DPP6: variants seen among roughly 807,000 people sequenced by gnomAD.
DPP6 encodes A-type potassium channel modulatory protein DPP6.
A neutral mutation model predicts 122.6 loss-of-function variants in DPP6; 69 were observed. The observed-to-expected ratio is 0.56, with a 90% CI of 0.46 to 0.69. The LOEUF is 0.69. Ranked by LOEUF, DPP6 falls within the 30% of genes least tolerant of loss-of-function variation. DPP6 has a pLI of 0.00. For missense variants in DPP6, 928 were observed against 1,116.9 expected (o/e 0.83, Z 2.41); for synonymous variants, 418 against 433.1 (o/e 0.97, Z 0.43).
chr7:154,368,213 G>A (rs1179706879), intron 1 of DPP6, among the ~76,000 whole-genome samples: 2 of 152,182 alleles, frequency 1.3e-5, no homozygotes, highest in East Asian at 3.9e-4. Context: ...GAAGTCAGCC[G>A]ACTACTGCGA....
the DPP6 span, among the ~76,000 whole-genome samples, chr7:153,758,606 A>T: frequency 2.0e-5 from 3 of 151,530 alleles, no homozygotes; most frequent in Non-Finnish European, 4.4e-5. Context: ...AACATTTTAG[A>T]TAATGGAATT....
intron 1 of DPP6, among the ~76,000 whole-genome samples, chr7:154,249,458 C>G (rs188671767): frequency 6.6e-6 from 1 of 152,306 alleles, no homozygotes; most frequent in African/African-American, 2.4e-5. Context: ...AATAATTACT[C>G]TTGCAAACAT....
chr7:154,422,460 AT>A (rs1446299766), intron 1 of DPP6, among the ~76,000 whole-genome samples: 1 of 152,074 alleles, frequency 6.6e-6, no homozygotes, highest in African/African-American at 2.4e-5. Context: ...TCTGAGATGT[AT>A]TTTTTCTACT....
At chr7:154,626,696 AAGTT>A (rs1213659407) in intron 5 of DPP6, among the ~76,000 whole-genome samples, 5 of 152,242 alleles carry the variant, frequency 3.3e-5, no homozygotes, top group African/African-American at 1.2e-4. Context: ...TGACTACTAT[AAGTT>A]AGTTTATTCC....
At chr7:154,033,999 G>A (rs1223380751) in intron 1 of DPP6, among the ~76,000 whole-genome samples, 1 of 152,160 alleles carries the variant, frequency 6.6e-6, no homozygotes, top group Non-Finnish European at 1.5e-5. Flanking sequence ...CTCTGCCCTG[G>A]TGACATTGGT....
chr7:154,033,310 T>G (rs1221917435), intron 1 of DPP6, among the ~76,000 whole-genome samples: 2 of 152,200 alleles, frequency 1.3e-5, no homozygotes, highest in African/African-American at 4.8e-5. Context: ...TATCTGTGGT[T>G]AAGACAGTGT....
the DPP6 span, among the ~76,000 whole-genome samples, chr7:153,798,226 G>T: frequency 1.3e-5 from 2 of 152,104 alleles, no homozygotes; most frequent in Non-Finnish European, 2.9e-5. Context: ...CTTCCCAAAG[G>T]CCCCACTTCC....
chr7:153,763,377 G>GAAAAAAAA, the DPP6 span, among the ~76,000 whole-genome samples: 1 of 128,700 alleles, frequency 7.8e-6, no homozygotes, highest in Non-Finnish European at 1.6e-5. Context: ...GTACAAGTAA[G>GAAAAAAAA]AAAAAAAAAA....
chr7:154,308,963 C>G (rs1274353968), intron 1 of DPP6, among the ~76,000 whole-genome samples: 1 of 152,178 alleles, frequency 6.6e-6, no homozygotes, highest in Non-Finnish European at 1.5e-5. Flanking sequence ...CGTATGCACA[C>G]ACAAACAAAT....
intron 1 of DPP6, among the ~76,000 whole-genome samples, chr7:154,432,561 G>A (rs537974530): frequency 1.3e-5 from 2 of 152,150 alleles, no homozygotes; most frequent in Non-Finnish European, 2.9e-5. Flanking sequence ...CATCGGGACC[G>A]AAACTGCTCT....
chr7:154,750,602 T>C (rs1308696957), intron 8 of DPP6, among the ~76,000 whole-genome samples: 13 of 151,212 alleles, frequency 8.6e-5, no homozygotes, highest in Non-Finnish European at 1.2e-4. Flanking sequence ...GTGGCGGGGG[T>C]CGGCTTCCTC....
intron 6 of DPP6, among the ~76,000 whole-genome samples, chr7:154,658,490 A>T (rs2131030530): frequency 6.6e-6 from 1 of 152,342 alleles, no homozygotes; most frequent in Non-Finnish European, 1.5e-5. Flanking sequence ...ATGCCTGGTC[A>T]TTGGAGACTG....
At chr7:153,840,607 C>T in the DPP6 span, among the ~76,000 whole-genome samples, 1 of 152,126 alleles carries the variant, frequency 6.6e-6, no homozygotes, top group Admixed American at 6.5e-5. Flanking sequence ...TGGAAATAAA[C>T]AGTCAGAACT....
rs987052287 is a variant in DPP6 at position 154,098,736 on chromosome 7, G to C, written c.243+45673G>C. ...TCAGGATCCAAGTCAAGAAGGAGAA[G>C]AAAGAGGAATGGCCCTATTGTGGGA... On this transcript the variant is annotated intron_variant, in intron 1 of 25. Coordinates refer to ENST00000377770, the MANE Select transcript of DPP6 (RefSeq NM_130797.4). 1.9e-3 allele frequency among the ~76,000 whole-genome samples: 230 copies of C among 120,082 alleles called. 3 individuals carry two copies. The highest frequency in any genetic ancestry group is 2.4e-3 in the Non-Finnish European group (141 of 57,896). The allele number at this position is 120,082 out of a possible 152,430, so 78.8% of individuals were successfully genotyped here. A position where few individuals can be genotyped will look rare whatever the true frequency, so the allele number is the denominator to read the frequency against.
At chr7:154,178,057 C>T (rs796207985) in intron 1 of DPP6, among the ~76,000 whole-genome samples, 1 of 152,296 alleles carries the variant, frequency 6.6e-6, no homozygotes, top group African/African-American at 2.4e-5. Flanking sequence ...AACCAGGATA[C>T]TTCAGAAAGC....
intron 1 of DPP6, among the ~76,000 whole-genome samples, chr7:154,135,404 C>T (rs1379547983): frequency 6.6e-6 from 1 of 151,702 alleles, no homozygotes; most frequent in Non-Finnish European, 1.5e-5. Flanking sequence ...GCATACACCT[C>T]CTATCTATGC....
intron 1 of DPP6, among the ~76,000 whole-genome samples, chr7:154,409,927 GCTTTT>G (rs1442806563): frequency 6.6e-6 from 1 of 152,174 alleles, no homozygotes; most frequent in Non-Finnish European, 1.5e-5. Flanking sequence ...ATTTTGAAAG[GCTTTT>G]CTTTATTGTG....
chr7:153,976,262 C>T (rs1243687703), intron 1 of DPP6, among the ~76,000 whole-genome samples: 3 of 152,138 alleles, frequency 2.0e-5, no homozygotes, highest in Non-Finnish European at 4.4e-5. Flanking sequence ...AACCAGCAAA[C>T]CCAGTGTTCT....
chr7:154,044,365 A>C (rs1013665773), intron 1 of DPP6, among the ~76,000 whole-genome samples: 1 of 152,172 alleles, frequency 6.6e-6, no homozygotes, highest in African/African-American at 2.4e-5. Context: ...ACATGGTTTC[A>C]TTTCAGTTTT....
Sources: allele counts gnomAD v4.1 joint callset (sites outside exome capture counted in the v4.1 genomes callset), GRCh38; gene constraint gnomAD v4.1.1; transcripts MANE v1.5; gene names NCBI Gene and HGNC (gene_info 2026-07-23, HGNC 2026-07-21).